NKAIN2: variants seen among roughly 807,000 people sequenced by gnomAD.
The protein encoded by NKAIN2 is sodium/potassium-transporting ATPase subunit beta-1-interacting protein 2.
Under a neutral mutation model 32.6 loss-of-function variants are expected in NKAIN2, and 14 were observed. The observed-to-expected ratio is 0.43, with a 90% CI of 0.28 to 0.67. NKAIN2 has a LOEUF of 0.67. Among genes scored for constraint, NKAIN2 ranks in the 30% least tolerant of loss-of-function variants. NKAIN2 has a pLI of 0.17. For missense variants in NKAIN2, 198 were observed against 258.3 expected (o/e 0.77, Z 1.60); for synonymous variants, 80 against 87.2 (o/e 0.92, Z 0.46).
chr6:124,000,649 T>C (rs11970365), intron 1 of NKAIN2, among the ~76,000 whole-genome samples: 60,444 of 151,816 alleles, frequency 0.4, 12,359 homozygotes, highest in East Asian at 0.61. Context: ...TCCAAAAATA[T>C]ACTCTGTAGG....
At chr6:124,693,431 T>A (rs920772030) in intron 4 of NKAIN2, among the ~76,000 whole-genome samples, 16 of 152,188 alleles carry the variant, frequency 1.1e-4, no homozygotes, top group African/African-American at 3.9e-4. Context: ...TACCTATGGA[T>A]CCGTTTCTCA....
intron 3 of NKAIN2, among the ~76,000 whole-genome samples, chr6:124,423,728 C>A (rs1774856551): frequency 6.6e-6 from 1 of 152,122 alleles, no homozygotes. Context: ...TGTAGGAGCA[C>A]AGCATTCATC....
intron 2 of NKAIN2, among the ~76,000 whole-genome samples, chr6:124,341,957 G>C (rs1185955933): frequency 1.3e-5 from 2 of 152,146 alleles, no homozygotes; most frequent in African/African-American, 4.8e-5. Flanking sequence ...AAAAGAATAA[G>C]ACCATGGTGA....
intron 3 of NKAIN2, among the ~76,000 whole-genome samples, chr6:124,493,720 A>ACC (rs1562219608): frequency 9.1e-5 from 1 of 10,962 alleles, no homozygotes; most frequent in African/African-American, 3.3e-4. Context: ...CCCCCTCCAA[A>ACC]AAAAAAAAAA....
chr6:124,316,546 A>G (rs1321914920), intron 2 of NKAIN2, among the ~76,000 whole-genome samples: 3 of 152,166 alleles, frequency 2.0e-5, no homozygotes, highest in Non-Finnish European at 4.4e-5. Context: ...TTAATTAAGT[A>G]ATTTTATGAT....
intron 1 of NKAIN2, among the ~76,000 whole-genome samples, chr6:123,960,459 T>G (rs1236924535): frequency 2.6e-5 from 4 of 152,180 alleles, no homozygotes; most frequent in South Asian, 2.1e-4. Flanking sequence ...CCAGAGAGCT[T>G]CTTTTTCCAT....
chr6:124,137,587 G>A (rs1786882006), intron 1 of NKAIN2, among the ~76,000 whole-genome samples: 1 of 152,016 alleles, frequency 6.6e-6, no homozygotes, highest in Non-Finnish European at 1.5e-5. Flanking sequence ...AAATCTGGAG[G>A]CATCACTTTA....
chr6:124,246,809 C>A (rs1231787291), intron 1 of NKAIN2, among the ~76,000 whole-genome samples: 3 of 152,012 alleles, frequency 2.0e-5, no homozygotes, highest in African/African-American at 7.2e-5. Context: ...TTTTGGTTTT[C>A]TATTGCTACC....
chr6:124,028,868 CAT>C (rs1169500240), intron 1 of NKAIN2, among the ~76,000 whole-genome samples: 2 of 34,976 alleles, frequency 5.7e-5, no homozygotes, highest in East Asian at 5.1e-4. Context: ...TATATATACA[CAT>C]ATATGTATAT....
chr6:124,571,486 G>A (rs1342677953), intron 3 of NKAIN2, among the ~76,000 whole-genome samples: 2 of 152,150 alleles, frequency 1.3e-5, no homozygotes, highest in Non-Finnish European at 1.5e-5. Flanking sequence ...TTTCATGATA[G>A]TGAGTAAGTC....
chr6:124,750,362 G>A (rs796081886), intron 4 of NKAIN2, among the ~76,000 whole-genome samples: 23 of 151,934 alleles, frequency 1.5e-4, no homozygotes, highest in African/African-American at 5.3e-4. Flanking sequence ...TCACATTTTA[G>A]TGGGCAATGT....
rs148924733 is a variant in NKAIN2, at chr6:124,254,973, C to G, written c.55-28032C>G. On this transcript the variant is annotated intron_variant, in intron 1 of 6. Transcript: ENST00000368417. Reference sequence around the variant, plus strand: ...TGACTGCTTTAGTCTTCACCCTGAACAGAAGTCTCCTAAAATTGAGGCCAG... The same window carrying G: ...TGACTGCTTTAGTCTTCACCCTGAAGAGAAGTCTCCTAAAATTGAGGCCAG... 1.3e-3 allele frequency among the ~76,000 whole-genome samples: 191 copies of G among 152,284 alleles called. 2 individuals are homozygous for G. The highest frequency in any genetic ancestry group is 4.4e-3 in the African/African-American group (184 of 41,554).
At chr6:124,812,719 A>G (rs895491957) in intron 5 of NKAIN2, among the ~76,000 whole-genome samples, 1 of 150,916 alleles carries the variant, frequency 6.6e-6, no homozygotes, top group Non-Finnish European at 1.5e-5. Context: ...GCCAAACACC[A>G]ACTCCCTTTT....
chr6:124,780,273 C>T (rs1317949723), intron 4 of NKAIN2, among the ~76,000 whole-genome samples: 1 of 152,010 alleles, frequency 6.6e-6, no homozygotes, highest in Non-Finnish European at 1.5e-5. Context: ...TGCTGATAGT[C>T]CAGTAGTCCA....
intron 1 of NKAIN2, among the ~76,000 whole-genome samples, chr6:124,046,795 G>A (rs1453785494): frequency 6.6e-6 from 1 of 151,868 alleles, no homozygotes; most frequent in African/African-American, 2.4e-5. Context: ...TACAGTAGGA[G>A]TTCTATGGTG....
chr6:124,153,665 T>C (rs2114406767), intron 1 of NKAIN2, among the ~76,000 whole-genome samples: 1 of 151,910 alleles, frequency 6.6e-6, no homozygotes, highest in Middle Eastern at 3.4e-3. Context: ...CAATAATTTG[T>C]TTCTAGAATA....
intron 1 of NKAIN2, among the ~76,000 whole-genome samples, chr6:123,927,277 T>G (rs1776045067): frequency 6.6e-6 from 1 of 152,206 alleles, no homozygotes. Context: ...CACTAAGTTT[T>G]TTGTAGTCTC....
chr6:123,926,474 G>GCTGCAGTGTTCCCCAGATTCCTA (rs1353979034), intron 1 of NKAIN2, among the ~76,000 whole-genome samples: 1 of 150,414 alleles, frequency 6.6e-6, no homozygotes, highest in Non-Finnish European at 1.5e-5. Context: ...CCAGATTGCT[G>GCTGCAGTGTTCCCCAGATTCCTA]CTGCAGTGTT....
intron 1 of NKAIN2, among the ~76,000 whole-genome samples, chr6:124,268,346 T>A (rs1230317086): frequency 6.6e-6 from 1 of 152,226 alleles, no homozygotes; most frequent in Non-Finnish European, 1.5e-5. Context: ...TTTAGAGAGT[T>A]CCTAAGCAAA....
Sources: allele counts gnomAD v4.1 joint callset (sites outside exome capture counted in the v4.1 genomes callset), GRCh38; gene constraint gnomAD v4.1.1; transcripts MANE v1.5; gene names NCBI Gene and HGNC (gene_info 2026-07-23, HGNC 2026-07-21).